ANGEL1: variants seen among roughly 807,000 people sequenced by gnomAD.
The protein encoded by ANGEL1 is angel homolog 1, also known as RNA 2',3'-cyclic phosphatase ANGEL1.
A neutral mutation model predicts 76.4 loss-of-function variants in ANGEL1; 62 were observed. That is an observed-to-expected ratio of 0.81 (90% confidence interval 0.66 to 1.00). The LOEUF is 1.00. Ranked by LOEUF, ANGEL1 falls within the 50% of genes least tolerant of loss-of-function variation. The pLI, the probability that ANGEL1 is intolerant of heterozygous loss-of-function variation, is 0.00. For missense variants in ANGEL1, 737 were observed against 836.7 expected, an observed-to-expected ratio of 0.88 and a Z score of 1.47; for synonymous variants, 340 against 331.7, an observed-to-expected ratio of 1.03 and a Z score of -0.27.
In ANGEL1 at chr14:76,802,320, G is replaced by A. The variant is rs1257786947; in HGVS notation, c.1618+1051C>T. ...TTTATTTTTCTGTTCCTTTTTTCTT[G>A]CAGTATTTTAGCACAGATTCCATGC... On this transcript the variant is annotated intron_variant, in intron 7 of 9. Transcript: ENST00000251089. 2.6e-5 allele frequency among the ~76,000 whole-genome samples: 4 copies of A among 151,444 alleles called. No homozygotes were observed. In the East Asian group the frequency reaches 5.8e-4, roughly 22 times the overall value.
rs1184589316 is a variant in ANGEL1 at position 76,808,153 on chromosome 14, A to G, written c.650-5T>C. Reference sequence around the variant, plus strand: ...CCCATTCTCGCCACAAAATTTCTGCAAAGGATTGGGAGAAGCACTCAATGG... The same window carrying G: ...CCCATTCTCGCCACAAAATTTCTGCGAAGGATTGGGAGAAGCACTCAATGG... On this transcript the variant is annotated splice_region_variant and splice_polypyrimidine_tract_variant and intron_variant, in intron 2 of 9. Coordinates refer to ENST00000251089, the MANE Select transcript of ANGEL1 (RefSeq NM_015305.4). 1.9e-6 allele frequency: 3 copies of G among 1,612,772 alleles called. No individual in the cohort carries two copies. The highest frequency in any genetic ancestry group is 2.7e-5 in the African/African-American group (2 of 74,898).
In ANGEL1 at chr14:76,809,245, C is replaced by T. The variant is rs763815888; in HGVS notation, c.463G>A (p.Glu155Lys). The change falls in exon 2 of 10, where the codon GAG becomes AAG. Residue 155 changes from glutamate to lysine, a missense_variant. By Grantham distance (56) the Glu-to-Lys change is moderately conservative. This residue lies in a region of ANGEL1 where 441 missense variants were observed against 449.5 expected (regional missense o/e 0.98). Transcript: ENST00000251089. Reference sequence around the variant, plus strand: ...GCAGCACAGTCTGCATACTGGGGCTCCGACTGCATGGGGATAGCTGCCCAC... The same window carrying T: ...GCAGCACAGTCTGCATACTGGGGCTTCGACTGCATGGGGATAGCTGCCCAC... ...SMWAAIPMQS[E>K]PQYADCAALP... 6 of 1,613,020 alleles carry T rather than the reference C, an allele frequency of 3.7e-6. No homozygotes were observed. The highest frequency in any genetic ancestry group is 5.1e-6 in the Non-Finnish European group (6 of 1,179,536).
chr14:76,791,456 T>C, intron 7 of ANGEL1, 90 bp from the exon 8 acceptor site: 3 of 1,200,514 alleles, frequency 2.5e-6, no homozygotes, highest in Non-Finnish European at 3.6e-6. Context: ...TCTCAGATCC[T>C]TGACTGGATT....
chr14:76,798,751 C>T (rs1894658381), intron 7 of ANGEL1, among the ~76,000 whole-genome samples: 1 of 151,828 alleles, frequency 6.6e-6, no homozygotes, highest in African/African-American at 2.4e-5. Flanking sequence ...AGTTCAAGAC[C>T]AGCCTGGCCA....
chr14:76,797,617 G>A (rs1298603609), intron 7 of ANGEL1, among the ~76,000 whole-genome samples: 1 of 152,118 alleles, frequency 6.6e-6, no homozygotes, highest in African/African-American at 2.4e-5. Flanking sequence ...AAAGAAAACT[G>A]ACCAGATAGC....
intron 7 of ANGEL1, among the ~76,000 whole-genome samples, chr14:76,797,049 C>G (rs1162788131): frequency 6.6e-6 from 1 of 152,168 alleles, no homozygotes; most frequent in Non-Finnish European, 1.5e-5. Flanking sequence ...ATACAGGACT[C>G]AAGGCTTCCA....
Position 76,806,638 on chromosome 14 carries a change from C to T in ANGEL1, c.1158G>A (p.Leu386=), listed in dbSNP as rs1451118195. ...AAAGGATATGGGTATTTGCCACACA[C>T]AGCGGGGCCACCGAGACTTGTCCCA... ...EGLGQVSVAP[L]CVANTHILYN... The change falls in exon 5 of 10, where the codon CTG becomes CTA. Residue 386 remains leucine (L), a synonymous_variant. Coordinates refer to ENST00000251089, the MANE Select transcript of ANGEL1 (RefSeq NM_015305.4). 21 of 1,612,984 alleles carry T rather than the reference C, an allele frequency of 1.3e-5. No individual in the cohort carries two copies. The highest frequency in any genetic ancestry group is 1.8e-5 in the Non-Finnish European group (21 of 1,179,786).
intron 5 of ANGEL1, among the ~76,000 whole-genome samples, chr14:76,805,401 T>C (rs1332566730): frequency 3.3e-5 from 5 of 152,226 alleles, no homozygotes; most frequent in Admixed American, 6.5e-5. Context: ...ACAGCTCCTT[T>C]AGGGCAAGAT....
intron 1 of ANGEL1, chr14:76,810,186 CAG>C: frequency 2.2e-6 from 1 of 454,670 alleles, no homozygotes; most frequent in Middle Eastern, 4.4e-4. Flanking sequence ...GAGGCAGAGA[CAG>C]AGGCAGCAGG....
chr14:76,799,970 G>C (rs1894713295), intron 7 of ANGEL1, among the ~76,000 whole-genome samples: 1 of 151,882 alleles, frequency 6.6e-6, no homozygotes, highest in South Asian at 2.1e-4. Flanking sequence ...CTGGGTAGGA[G>C]CATTGAACAA....
chr14:76,805,699 T>G (rs1282553129), intron 5 of ANGEL1, among the ~76,000 whole-genome samples: 1 of 152,224 alleles, frequency 6.6e-6, no homozygotes, highest in Non-Finnish European at 1.5e-5. Flanking sequence ...AAACATACAG[T>G]AGTGTATCAT....
chr14:76,803,491 A>C lies in ANGEL1; in HGVS notation c.1508-10T>G, dbSNP rs1329537909. ...CCATACTTGCGTCTCTCTGTAAACCAGGAAAAGACATATAGTGAAAGAAAG... is the reference window on the plus strand; with the variant it reads ...CCATACTTGCGTCTCTCTGTAAACCCGGAAAAGACATATAGTGAAAGAAAG... On this transcript the variant is annotated splice_polypyrimidine_tract_variant and intron_variant, in intron 6 of 9. Transcript: ENST00000251089. The C allele has an allele frequency of 6.2e-7, 1 of 1,613,426 alleles. No individual in the cohort carries two copies. Among genetic ancestry groups the C allele is most frequent in the East Asian group, 2.2e-5 (1 of 44,882 alleles).
At position 76,812,850 on chromosome 14, in the gene ANGEL1, C is replaced by G; in HGVS notation, c.-23G>C. 2 of 1,500,194 alleles carry G rather than the reference C, an allele frequency of 1.3e-6. No homozygotes were observed. Among genetic ancestry groups the G allele is most frequent in the Non-Finnish European group, 1.8e-6 (2 of 1,127,850 alleles). 92.9% of individuals were successfully genotyped at this position (1,500,194 alleles called of 1,614,324 possible). A position where few individuals can be genotyped will look rare whatever the true frequency, so the allele number is the denominator to read the frequency against. ...CATGGCCGGCCGCCCGCGCCCGCCT[C>G]CGCTCCTCACTGCAGCCAGCAGGTC... On this transcript the variant is annotated 5_prime_UTR_variant, in exon 1 of 10. Coordinates refer to ENST00000251089, the MANE Select transcript of ANGEL1 (RefSeq NM_015305.4).
chr14:76,805,850 A>G (rs544218524), intron 5 of ANGEL1, among the ~76,000 whole-genome samples: 1 of 152,372 alleles, frequency 6.6e-6, no homozygotes, highest in South Asian at 2.1e-4. Flanking sequence ...AACCTAGGGC[A>G]AATTACTTCA....
chr14:76,804,321 A>G (rs920341090), intron 5 of ANGEL1: 2 of 1,112,478 alleles, frequency 1.8e-6, no homozygotes, highest in Admixed American at 4.8e-5. Flanking sequence ...TCCTGAACCT[A>G]TTACTGGGTA....
At chr14:76,794,914 T>C (rs1894532767) in intron 7 of ANGEL1, among the ~76,000 whole-genome samples, 1 of 152,174 alleles carries the variant, frequency 6.6e-6, no homozygotes, top group Non-Finnish European at 1.5e-5. Flanking sequence ...GGATTACCAG[T>C]TATAAAATAA....
In ANGEL1 at chr14:76,806,715, G is replaced by C; in HGVS notation, c.1081C>G (p.Arg361Gly). 1.9e-6 allele frequency: 3 copies of C among 1,613,948 alleles called. No homozygotes were observed. Among genetic ancestry groups the C allele is most frequent in the South Asian group, 2.2e-5 (2 of 91,074 alleles). Residue 361 changes from arginine to glycine, a missense_variant, in exon 5 of 10, where the codon CGG (arginine) becomes GGG (glycine). This residue lies in a region of ANGEL1 where 441 missense variants were observed against 449.5 expected (regional missense o/e 0.98). Transcript: ENST00000251089. ...AGCAACACTAAGCCCACATTATCCC[G>C]ATTAAGTAGCTCCAAGCCAGGCCGG... The part of the protein sequence containing the change: ...YFRPGLELLN[R>G]DNVGLVLLLQ...
rs1182663795 is a variant in ANGEL1 at position 76,790,735 on chromosome 14, T to C, written c.1728A>G (p.Ser576=). 1 of 1,614,040 alleles carries C rather than the reference T, an allele frequency of 6.2e-7. No individual in the cohort carries two copies. Among genetic ancestry groups the C allele is most frequent in the Non-Finnish European group, 8.5e-7 (1 of 1,179,920 alleles). ...GTIQHCLHLT[S]VYTHFLPQRG... ...GCTGGGGCAGGAAGTGGGTATATAC[T>C]GACGTCAGGTGGAGGCAGTGCTGGA... The change falls in exon 9 of 10, where the codon TCA becomes TCG. Residue 576 remains serine (S), a synonymous_variant. Coordinates refer to ENST00000251089, the MANE Select transcript of ANGEL1 (RefSeq NM_015305.4).
Position 76,789,236 on chromosome 14 carries a change from C to T in ANGEL1, c.2005G>A (p.Ala669Thr), listed in dbSNP as rs760066871. Residue 669 changes from alanine (A) to threonine (T), a missense_variant, in exon 10 of 10, where the codon GCC becomes ACC. Coordinates refer to ENST00000251089, the MANE Select transcript of ANGEL1 (RefSeq NM_015305.4). Reference protein sequence around the residue: ...LLASFGMEVTAP With the variant: ...LLASFGMEVTTP ...TTCCCCTGGGAGCCCTGTCATGGGGCGGTGACTTCCATCCCGAAGCTGGCT... is the reference window on the plus strand; with the variant it reads ...TTCCCCTGGGAGCCCTGTCATGGGGTGGTGACTTCCATCCCGAAGCTGGCT... The T allele has an allele frequency of 4.3e-6, 7 of 1,614,148 alleles. No individual in the cohort carries two copies. The highest frequency in any genetic ancestry group is 2.2e-5 in the East Asian group (1 of 44,892).
Sources: gnomAD v4.1 joint callset for allele counts (sites outside exome capture counted in the v4.1 genomes callset) on GRCh38, gnomAD v4.1.1 for gene constraint, gnomAD v4.1.1 regional missense constraint, MANE v1.5 for transcripts, NCBI Gene and HGNC (gene_info 2026-07-23, HGNC 2026-07-21) for gene names.